GPR55: variants seen among roughly 807,000 people sequenced by gnomAD.
GPR55 encodes the protein G protein-coupled receptor 55, also known as G-protein coupled receptor 55.
A neutral mutation model predicts 7.9 loss-of-function variants in GPR55; 6 were observed. The ratio of observed to expected loss-of-function variants is 0.76; its 90% CI spans 0.41 to 1.49. The LOEUF is 1.49. Ranked by LOEUF, GPR55 falls within the 40% of genes most tolerant of loss-of-function variation. GPR55 has a pLI of 0.01. For missense variants in GPR55, 376 were observed against 406.0 expected, an observed-to-expected ratio of 0.93 and a Z score of 0.63; for synonymous variants, 183 against 166.8, an observed-to-expected ratio of 1.10 and a Z score of -0.75.
At chr2:230,920,462 G>T (rs180765480) in intron 1 of GPR55, among the ~76,000 whole-genome samples, 2 of 152,030 alleles carry the variant, frequency 1.3e-5, no homozygotes, top group Admixed American at 1.3e-4. Flanking sequence ...TGGGAGAACA[G>T]CAACAAGAAC....
chr2:230,955,353 G>A (rs1284943770), intron 1 of GPR55, among the ~76,000 whole-genome samples: 3 of 152,186 alleles, frequency 2.0e-5, no homozygotes, highest in Non-Finnish European at 4.4e-5. Flanking sequence ...GCATATCTGA[G>A]TCCTTGTTAT....
chr2:230,932,121 C>T (rs900053171), intron 1 of GPR55, among the ~76,000 whole-genome samples: 11 of 152,224 alleles, frequency 7.2e-5, no homozygotes, highest in Admixed American at 2.6e-4. Flanking sequence ...AAACCAGCCG[C>T]GGTCTGCACC....
At chr2:230,938,388 C>T (rs1691166055) in intron 1 of GPR55, among the ~76,000 whole-genome samples, 1 of 126,570 alleles carries the variant, frequency 7.9e-6, no homozygotes, top group Non-Finnish European at 1.6e-5. Context: ...CTTTCTGTAA[C>T]CAGATGACCA....
chr2:230,914,278 A>G (rs10498253), intron 1 of GPR55, among the ~76,000 whole-genome samples: 9,825 of 152,228 alleles, frequency 0.065, 371 homozygotes, highest in African/African-American at 0.096. Context: ...CATAGACACA[A>G]TTTGGCCATC....
intron 1 of GPR55, among the ~76,000 whole-genome samples, chr2:230,931,820 A>T (rs1008172748): frequency 2.0e-5 from 3 of 150,734 alleles, no homozygotes; most frequent in African/African-American, 4.9e-5. Context: ...TGCCCGGGCC[A>T]CCCCTGGCCC....
intron 1 of GPR55, among the ~76,000 whole-genome samples, chr2:230,958,248 A>C (rs973375541): frequency 1.2e-4 from 19 of 152,228 alleles, no homozygotes; most frequent in African/African-American, 4.6e-4. Flanking sequence ...CTAACTTTAA[A>C]AAATTTTTTT....
chr2:230,946,010 A>G (rs1449852444), intron 1 of GPR55, among the ~76,000 whole-genome samples: 1 of 152,252 alleles, frequency 6.6e-6, no homozygotes, highest in East Asian at 1.9e-4. Flanking sequence ...AAACATATAC[A>G]CAATGAAATA....
intron 1 of GPR55, among the ~76,000 whole-genome samples, chr2:230,919,982 G>A (rs1202867797): frequency 7.2e-6 from 1 of 139,682 alleles, no homozygotes; most frequent in Non-Finnish European, 1.5e-5. Flanking sequence ...CACGCATAGA[G>A]GGGAAAAAAA....
intron 1 of GPR55, among the ~76,000 whole-genome samples, chr2:230,937,577 G>C (rs1479046689): frequency 2.6e-5 from 4 of 151,576 alleles, no homozygotes; most frequent in African/African-American, 9.7e-5. Context: ...CTTGCCGAGA[G>C]AGCTTTTTGC....
chr2:230,926,211 G>A (rs1308118665), upstream of GPR55, among the ~76,000 whole-genome samples: 1 of 152,226 alleles, frequency 6.6e-6, no homozygotes. Context: ...TCACTGCAGG[G>A]GAACCACCTG....
intron 1 of GPR55, among the ~76,000 whole-genome samples, chr2:230,919,129 C>T (rs377199127): frequency 3.3e-5 from 5 of 152,086 alleles, no homozygotes; most frequent in East Asian, 1.9e-4. Flanking sequence ...TCATCTTACA[C>T]GGTATCTCAA....
upstream of GPR55, among the ~76,000 whole-genome samples, chr2:230,928,339 G>A (rs1203893206): frequency 1.3e-5 from 2 of 152,132 alleles, no homozygotes; most frequent in Non-Finnish European, 2.9e-5. Context: ...GGCATCTGAG[G>A]CAGCCGGACT....
chr2:230,938,138 C>T (rs1309229160), intron 1 of GPR55, among the ~76,000 whole-genome samples: 1 of 131,040 alleles, frequency 7.6e-6, no homozygotes, highest in East Asian at 2.1e-4. Context: ...CAGAACAAGA[C>T]CCTGTCTCAA....
chr2:230,924,300 C>T lies in GPR55; in HGVS notation c.-135+868G>A, dbSNP rs1489740701. ...CGCTCAGAACCAAAGGCAAACCTTG[C>T]CTTCCACAGAGCTGTGGGCGGCACT... On this transcript the variant is annotated intron_variant, in intron 1 of 1. Transcript: ENST00000650999. The surrounding 1 kb of genome is among the most constrained non-coding windows in gnomAD (Gnocchi z 4.5). Among the ~76,000 whole-genome samples, 1 of 152,324 alleles carries T rather than the reference C, an allele frequency of 6.6e-6. No homozygotes were observed. Among genetic ancestry groups the T allele is most frequent in the East Asian group, 1.9e-4 (1 of 5,172 alleles).
chr2:230,933,791 T>C lies in GPR55; in HGVS notation c.-134-22695A>G, dbSNP rs191008555. ...GGGGCTCCCTTGGCAGGGCAAAGGC[T>C]GCCTGGGTGGGGGCAGTGACAGCAG... On this transcript the variant is annotated intron_variant, in intron 1 of 1. Transcript: ENST00000392039. 2.6e-4 allele frequency among the ~76,000 whole-genome samples: 39 copies of C among 152,188 alleles called. No homozygotes were observed. In the East Asian group the frequency reaches 6.8e-3, roughly 26 times the overall value.
chr2:230,953,545 C>T (rs891701267), intron 1 of GPR55, among the ~76,000 whole-genome samples: 2 of 152,214 alleles, frequency 1.3e-5, no homozygotes, highest in African/African-American at 4.8e-5. Flanking sequence ...GTCCTGCCAG[C>T]ACCCTGATTT....
At chr2:230,928,431 T>C (rs561740635), upstream of GPR55, 1 of 152,352 alleles carries the variant, frequency 6.6e-6, no homozygotes, top group African/African-American at 2.4e-5. Flanking sequence ...CTAACCTCTC[T>C]GAGCCCATTT....
chr2:230,908,057 G>GT lies in GPR55; in HGVS notation c.*1945_*1946insA, dbSNP rs11414001. 0.86 allele frequency: 130,825 copies of GT among 152,254 alleles called. 56,779 individuals carry two copies. The highest frequency in any genetic ancestry group is 1 in the East Asian group (5,169 of 5,172). The allele number at this position is 152,254 out of a possible 1,614,324, so 9.4% of individuals were successfully genotyped here. ...TGGCTCCCTCAGAGTATCACGGGTG[G>GT]GTCTCTGTCTAGGGTGGCCATGGGA... On this transcript the variant is annotated 3_prime_UTR_variant, in exon 2 of 2. Transcript: ENST00000650999.
In GPR55 at chr2:230,954,129, G is replaced by A. The variant is rs114334642; in HGVS notation, c.-135+6646C>T. Reference sequence around the variant, plus strand: ...TCTGAGCAAGTTCCGAGATGCAAAGGTTTCACAGCCCTGGCTATGCAGCCC... The same window carrying A: ...TCTGAGCAAGTTCCGAGATGCAAAGATTTCACAGCCCTGGCTATGCAGCCC... On this transcript the variant is annotated intron_variant, in intron 1 of 1. Transcript: ENST00000392039. Among the ~76,000 whole-genome samples the A allele has an allele frequency of 6.9e-3, 1,052 of 152,366 alleles. 19 individuals are homozygous for A. Among genetic ancestry groups the A allele is most frequent in the African/African-American group, 0.024 (1,000 of 41,584 alleles).
Sources: gnomAD v4.1 joint callset for allele counts (sites outside exome capture counted in the v4.1 genomes callset) on GRCh38, gnomAD v4.1.1 for gene constraint, Gnocchi (gnomAD v3.1) non-coding constraint, MANE v1.5 for transcripts, NCBI Gene and HGNC (gene_info 2026-07-23, HGNC 2026-07-21) for gene names.